SLC25A21: variants seen among roughly 807,000 people sequenced by gnomAD.
The protein encoded by SLC25A21 is mitochondrial 2-oxodicarboxylate carrier.
A neutral mutation model predicts 43.8 loss-of-function variants in SLC25A21; 47 were observed. The ratio of observed to expected loss-of-function variants is 1.07; its 90% CI spans 0.85 to 1.37. The LOEUF (loss-of-function observed/expected upper bound fraction) is 1.37. SLC25A21 is among the 40% of genes most tolerant of loss of function. The pLI is 0.00. For missense variants in SLC25A21, 352 were observed against 350.2 expected (o/e 1.00, Z -0.04); for synonymous variants, 131 against 121.3 (o/e 1.08, Z -0.52).
chr14:37,130,648 C>T (rs1484339521), intron 1 of SLC25A21, among the ~76,000 whole-genome samples: 1 of 152,204 alleles, frequency 6.6e-6, no homozygotes, highest in Non-Finnish European at 1.5e-5. Flanking sequence ...AGCCTGTGTG[C>T]AGTGCATGGC....
intron 1 of SLC25A21, among the ~76,000 whole-genome samples, chr14:37,127,131 G>A (rs541133152): frequency 4.7e-4 from 72 of 152,224 alleles, no homozygotes; most frequent in East Asian, 1.2e-3. Flanking sequence ...CGTAAACAGC[G>A]CTAGGTTAGA....
chr14:36,971,950 TG>T, intron 1 of SLC25A21, among the ~76,000 whole-genome samples: 1 of 152,272 alleles, frequency 6.6e-6, no homozygotes, highest in East Asian at 1.9e-4. Flanking sequence ...CAAATACTAT[TG>T]GGGATTACTT....
rs186780926 is a variant in SLC25A21 at position 36,911,966 on chromosome 14, T to C, written c.71-36962A>G. ...TTCCTAATCATAAAAATATACATCA[T>C]TTTTGAGCATTTACTTGCTGTGTGC... is the stretch of plus-strand genomic sequence containing the variant. On this transcript the variant is annotated intron_variant, in intron 1 of 9. Transcript: ENST00000331299. 1.3e-4 allele frequency among the ~76,000 whole-genome samples: 20 copies of C among 152,290 alleles called. No homozygotes were observed. The South Asian group carries it at 3.7e-3, about 28-fold the overall frequency.
At chr14:36,841,819 C>G (rs1278349592) in intron 2 of SLC25A21, among the ~76,000 whole-genome samples, 1 of 152,184 alleles carries the variant, frequency 6.6e-6, no homozygotes, top group Non-Finnish European at 1.5e-5. Context: ...CCAACCCATA[C>G]TCCCTGTGCA....
intron 2 of SLC25A21, among the ~76,000 whole-genome samples, chr14:36,851,572 G>A (rs988268085): frequency 3.3e-5 from 5 of 152,166 alleles, no homozygotes; most frequent in East Asian, 1.9e-4. Context: ...GTTATATCCA[G>A]GTGTTGGGAG....
At chr14:36,703,311 A>G (rs12185044) in intron 7 of SLC25A21, among the ~76,000 whole-genome samples, 23,880 of 152,138 alleles carry the variant, frequency 0.16, 2,601 homozygotes, top group East Asian at 0.3. Flanking sequence ...GTAGCTCTCA[A>G]TCATGAAACT....
At chr14:37,163,374 C>T (rs1031624099) in intron 1 of SLC25A21, among the ~76,000 whole-genome samples, 1 of 151,334 alleles carries the variant, frequency 6.6e-6, no homozygotes, top group Non-Finnish European at 1.5e-5. Context: ...TTCTGGTAAC[C>T]CCAGCAAATT....
intron 2 of SLC25A21, among the ~76,000 whole-genome samples, chr14:36,862,438 A>G (rs1047687190): frequency 1.3e-5 from 2 of 152,164 alleles, no homozygotes; most frequent in East Asian, 1.9e-4. Flanking sequence ...CATAAAAAAG[A>G]ATGAGTTCAT....
chr14:36,848,481 G>A (rs1169813020), intron 2 of SLC25A21, among the ~76,000 whole-genome samples: 1 of 152,086 alleles, frequency 6.6e-6, no homozygotes, highest in Non-Finnish European at 1.5e-5. Context: ...TCTGCAACAG[G>A]GACTGAGCAA....
chr14:36,716,965 G>A (rs755616687), intron 6 of SLC25A21, among the ~76,000 whole-genome samples: 1 of 152,184 alleles, frequency 6.6e-6, no homozygotes, highest in Non-Finnish European at 1.5e-5. Context: ...AATGGAATAC[G>A]GGTGTTGTAC....
intron 1 of SLC25A21, among the ~76,000 whole-genome samples, chr14:37,035,892 T>G (rs1041474849): frequency 2.0e-5 from 3 of 152,236 alleles, no homozygotes; most frequent in African/African-American, 7.2e-5. Flanking sequence ...AAAACATATT[T>G]GGGTCATTAT....
intron 1 of SLC25A21, among the ~76,000 whole-genome samples, chr14:37,152,326 T>G (rs901679446): frequency 5.3e-5 from 8 of 151,828 alleles, no homozygotes; most frequent in African/African-American, 1.9e-4. Flanking sequence ...TCAAAATATA[T>G]CTCTGAAACA....
At chr14:36,718,067 A>G (rs1202320528) in intron 6 of SLC25A21, among the ~76,000 whole-genome samples, 16 of 152,098 alleles carry the variant, frequency 1.1e-4, no homozygotes, top group Non-Finnish European at 1.0e-4. Flanking sequence ...TAAAAATCAA[A>G]TAAAGGGAAA....
intron 1 of SLC25A21, among the ~76,000 whole-genome samples, chr14:37,171,078 G>A (rs1462938228): frequency 7.6e-6 from 1 of 131,942 alleles, no homozygotes; most frequent in African/African-American, 2.8e-5. Flanking sequence ...TTCCAGTCTG[G>A]GCAACAGAGA....
In SLC25A21 at chr14:36,713,039, G is replaced by A. The variant is rs1883959205; in HGVS notation, c.439-1557C>T. Reference sequence around the variant, plus strand: ...GAAGGAGAGGGCAGCTTTCCTGGGGGTGGGAGGAACAGGACAGAGGTGAGG... The same window carrying A: ...GAAGGAGAGGGCAGCTTTCCTGGGGATGGGAGGAACAGGACAGAGGTGAGG... On this transcript the variant is annotated intron_variant, in intron 6 of 9. Transcript: ENST00000331299. 2.0e-5 allele frequency among the ~76,000 whole-genome samples: 3 copies of A among 152,112 alleles called. 1 individual carries two copies. In the South Asian group the frequency reaches 6.2e-4, roughly 32 times the overall value.
At chr14:37,149,284 A>T (rs1008077525) in intron 1 of SLC25A21, among the ~76,000 whole-genome samples, 3 of 152,222 alleles carry the variant, frequency 2.0e-5, no homozygotes, top group African/African-American at 7.2e-5. Flanking sequence ...ACATGAAAGA[A>T]ACAGAAAATC....
At chr14:37,161,806 A>G (rs972057294) in intron 1 of SLC25A21, among the ~76,000 whole-genome samples, 2 of 151,782 alleles carry the variant, frequency 1.3e-5, no homozygotes, top group African/African-American at 2.4e-5. Flanking sequence ...TAAAAAAAAT[A>G]CAAAAAATTA....
intron 1 of SLC25A21, among the ~76,000 whole-genome samples, chr14:37,020,713 T>G (rs1960966840): frequency 6.6e-6 from 1 of 151,924 alleles, no homozygotes; most frequent in Admixed American, 6.6e-5. Context: ...ATGTTTGTCT[T>G]GCAGACAAAA....
intron 1 of SLC25A21, among the ~76,000 whole-genome samples, chr14:37,064,502 G>A (rs1181330897): frequency 1.3e-5 from 2 of 151,968 alleles, no homozygotes; most frequent in African/African-American, 2.4e-5. Flanking sequence ...CTCCAGTTGT[G>A]GAGTTGGTTC....
Sources: gnomAD v4.1 joint callset for allele counts (sites outside exome capture counted in the v4.1 genomes callset) on GRCh38, gnomAD v4.1.1 for gene constraint, MANE v1.5 for transcripts, NCBI Gene and HGNC (gene_info 2026-07-23, HGNC 2026-07-21) for gene names.